Variants in MAD1L1 observed in about 807,000 individuals in gnomAD.
MAD1L1 encodes mitotic arrest deficient 1 like 1, also known as mitotic spindle assembly checkpoint protein MAD1.
A neutral mutation model predicts 96.9 loss-of-function variants in MAD1L1; 95 were observed. That is an observed-to-expected ratio of 0.98 (90% CI 0.83 to 1.16). The LOEUF (loss-of-function observed/expected upper bound fraction) is 1.16. Among genes scored for constraint, MAD1L1 ranks in the 50% most tolerant of loss-of-function variants. MAD1L1 has a pLI of 0.00. For synonymous variants in MAD1L1, 473 were observed against 396.6 expected (o/e 1.19, Z -2.29); for missense variants, 1,007 against 954.4 (o/e 1.06, Z -0.73).
chr7:1,851,202 C>A (rs1377609189), intron 18 of MAD1L1, among the ~76,000 whole-genome samples: 3 of 152,144 alleles, frequency 2.0e-5, no homozygotes, highest in Admixed American at 2.0e-4. Flanking sequence ...GAGCGGGCGG[C>A]AGGAGCCCGG....
intron 12 of MAD1L1, among the ~76,000 whole-genome samples, chr7:2,061,298 T>C (rs1457556576): frequency 6.6e-6 from 1 of 151,924 alleles, no homozygotes. Flanking sequence ...GATTGAGCCA[T>C]TGCACTCCAG....
intron 11 of MAD1L1, among the ~76,000 whole-genome samples, chr7:2,127,589 C>T (rs1788292700): frequency 6.6e-6 from 1 of 152,112 alleles, no homozygotes; most frequent in Admixed American, 6.5e-5. Flanking sequence ...GCAGAAACGA[C>T]CTGGGGTCTA....
intron 17 of MAD1L1, among the ~76,000 whole-genome samples, chr7:1,928,095 G>A (rs60595248): frequency 0.18 from 27,595 of 151,796 alleles, 2,838 homozygotes; most frequent in South Asian, 0.28. Flanking sequence ...AGCCCACGAC[G>A]GAACACCTGC....
At chr7:1,886,051 C>G (rs542614933) in intron 18 of MAD1L1, among the ~76,000 whole-genome samples, 1 of 152,218 alleles carries the variant, frequency 6.6e-6, no homozygotes, top group East Asian at 1.9e-4. Flanking sequence ...AGCCCTCGTC[C>G]GCGTATCAGG....
intron 14 of MAD1L1, among the ~76,000 whole-genome samples, chr7:1,997,056 C>T (rs898395573): frequency 1.3e-5 from 2 of 152,054 alleles, no homozygotes; most frequent in Non-Finnish European, 2.9e-5. Flanking sequence ...TCTCTCCTTG[C>T]GATATTAATT....
chr7:1,891,792 G>C (rs540036526), intron 18 of MAD1L1, among the ~76,000 whole-genome samples: 2 of 152,250 alleles, frequency 1.3e-5, no homozygotes, highest in East Asian at 3.9e-4. Context: ...TGTTGCCAAG[G>C]CTGGTTTTGA....
At position 1,904,028 on chromosome 7, in the gene MAD1L1, C is replaced by G. The variant is rs1436877847; in HGVS notation, c.1808-5638G>C. Among the ~76,000 whole-genome samples, 4 of 122,870 alleles carry G rather than the reference C, an allele frequency of 3.3e-5. 2 individuals are homozygous for G. The highest frequency in any genetic ancestry group is 3.6e-5 in the Non-Finnish European group (2 of 55,030). The allele number at this position is 122,870 out of a possible 152,430, so 80.6% of individuals were successfully genotyped here. ...GACGCAGTGGCCTATGGAAGACGTT[C>G]TTGTGGAACTCATGATTGATGAAGC... On this transcript the variant is annotated intron_variant, in intron 17 of 18. Transcript: ENST00000265854.
chr7:1,828,551 G>A (rs1782545571), intron 18 of MAD1L1, among the ~76,000 whole-genome samples: 1 of 152,228 alleles, frequency 6.6e-6, no homozygotes, highest in African/African-American at 2.4e-5. Flanking sequence ...GCACTGAGAT[G>A]GACACCCCGC....
chr7:1,896,327 AT>A (rs1180852480), intron 18 of MAD1L1, among the ~76,000 whole-genome samples: 1 of 152,186 alleles, frequency 6.6e-6, no homozygotes, highest in Non-Finnish European at 1.5e-5. Context: ...GGGCGGGCGG[AT>A]GAGGGCCGGG....
intron 11 of MAD1L1, among the ~76,000 whole-genome samples, chr7:2,138,935 T>C (rs1030064064): frequency 6.6e-6 from 1 of 152,198 alleles, no homozygotes; most frequent in Non-Finnish European, 1.5e-5. Context: ...GCAAGAGTCC[T>C]GGACCTGATT....
intron 12 of MAD1L1, among the ~76,000 whole-genome samples, chr7:2,051,411 G>C (rs1414099918): frequency 1.3e-5 from 2 of 152,224 alleles, no homozygotes; most frequent in Admixed American, 6.5e-5. Context: ...TTGGCCTACA[G>C]GACAGAAGGG....
chr7:1,880,606 G>A (rs952073096), intron 18 of MAD1L1, among the ~76,000 whole-genome samples: 2 of 152,168 alleles, frequency 1.3e-5, no homozygotes, highest in African/African-American at 4.8e-5. Context: ...TCTTGAACCT[G>A]CGTGCGTCCC....
chr7:1,910,047 G>A (rs1003083126), intron 17 of MAD1L1, among the ~76,000 whole-genome samples: 1 of 152,164 alleles, frequency 6.6e-6, no homozygotes, highest in Admixed American at 6.5e-5. Flanking sequence ...GATATGAAAA[G>A]ACACCAGCAA....
chr7:2,208,651 G>A (rs1296106960), intron 10 of MAD1L1, among the ~76,000 whole-genome samples: 2 of 152,130 alleles, frequency 1.3e-5, no homozygotes, highest in African/African-American at 4.8e-5. Flanking sequence ...GAGATGGCCT[G>A]CACCCCCTTT....
intron 10 of MAD1L1, among the ~76,000 whole-genome samples, chr7:2,150,801 G>C (rs554962670): frequency 6.6e-6 from 1 of 152,132 alleles, no homozygotes; most frequent in African/African-American, 2.4e-5. Context: ...AGCACGCCAC[G>C]GCCTTCTCCC....
intron 11 of MAD1L1, among the ~76,000 whole-genome samples, chr7:2,073,902 C>T (rs1485519693): frequency 6.6e-6 from 1 of 152,220 alleles, no homozygotes; most frequent in African/African-American, 2.4e-5. Context: ...CAGGACCGTC[C>T]AGGTGCAAGC....
At chr7:2,172,115 C>A (rs533829580) in intron 10 of MAD1L1, among the ~76,000 whole-genome samples, 1 of 152,138 alleles carries the variant, frequency 6.6e-6, no homozygotes, top group Admixed American at 6.5e-5. Context: ...AGTGCCCCCA[C>A]CTCAAAGGGT....
chr7:1,866,533 G>A (rs1784786784), intron 18 of MAD1L1, among the ~76,000 whole-genome samples: 1 of 152,210 alleles, frequency 6.6e-6, no homozygotes, highest in Non-Finnish European at 1.5e-5. Flanking sequence ...GCACTGTGCT[G>A]AGGAGAGGTC....
intron 18 of MAD1L1, chr7:1,849,747 C>T (rs977884352): frequency 1.3e-5 from 2 of 152,250 alleles, no homozygotes; most frequent in African/African-American, 4.8e-5. Flanking sequence ...GATCAGCAGA[C>T]GCCGGCTCTG....
Sources: gnomAD v4.1 joint callset for allele counts (sites outside exome capture counted in the v4.1 genomes callset) on GRCh38, gnomAD v4.1.1 for gene constraint, MANE v1.5 for transcripts, NCBI Gene and HGNC (gene_info 2026-07-23, HGNC 2026-07-21) for gene names.